ABCB1: variants seen among roughly 807,000 people sequenced by gnomAD.
ABCB1 encodes the protein ATP binding cassette subfamily B member 1, also known as ATP-dependent translocase ABCB1.
A neutral mutation model predicts 142.0 loss-of-function variants in ABCB1; 69 were observed. The ratio of observed to expected loss-of-function variants is 0.49; its 90% CI spans 0.40 to 0.59. ABCB1 has a LOEUF of 0.59. Ranked by LOEUF, ABCB1 falls within the 20% of genes least tolerant of loss-of-function variation. The pLI is 0.00. For missense variants in ABCB1, 1,326 were observed against 1,554.7 expected (o/e 0.85, Z 2.47); for synonymous variants, 532 against 539.2 (o/e 0.99, Z 0.18).
At position 87,566,960 on chromosome 7, in the gene ABCB1, T is replaced by C; in HGVS notation, c.355A>G (p.Ser119Gly). The change falls in exon 6 of 28, where the codon AGT (serine) becomes GGT (glycine). Residue 119 changes from serine to glycine, a missense_variant. Physicochemically the swap from Ser to Gly is moderately conservative, Grantham distance 56 (BLOSUM62 0). Coordinates refer to ENST00000622132, the MANE Select transcript of ABCB1 (RefSeq NM_001348946.2). Reference protein sequence around the residue: ...EDMTRYAYYYSGIGAGVLVAA... With the variant: ...EDMTRYAYYYGGIGAGVLVAA... ...ACCAGCACCCCAGCACCAATTCCAC[T>C]GTAATAATAGGCATACCTGAAAAAC... The C allele has an allele frequency of 6.2e-7, 1 of 1,614,116 alleles. No homozygotes were observed.
intron 8 of ABCB1, among the ~76,000 whole-genome samples, chr7:87,554,467 T>C (rs17149772): frequency 0.015 from 2,316 of 152,298 alleles, 67 homozygotes; most frequent in African/African-American, 0.052. Context: ...TGTGAGAGCA[T>C]TTTGAGAGTT....
intron 4 of ABCB1, among the ~76,000 whole-genome samples, chr7:87,581,878 G>A (rs371048508): frequency 6.6e-6 from 1 of 152,126 alleles, no homozygotes; most frequent in East Asian, 1.9e-4. Context: ...TTCTGCCTAG[G>A]GAAGGGCAAA....
chr7:87,521,099 G>T (rs959156689), intron 21 of ABCB1: 4 of 529,862 alleles, frequency 7.5e-6, no homozygotes, highest in Non-Finnish European at 1.3e-5. Context: ...AGAAATAGAA[G>T]CTAAGACTTA....
intron 1 of ABCB1, among the ~76,000 whole-genome samples, chr7:87,624,656 G>A (rs1026622667): frequency 6.6e-6 from 1 of 152,100 alleles, no homozygotes; most frequent in African/African-American, 2.4e-5. Flanking sequence ...ATTGAAATAG[G>A]TGCCAAAAGA....
At chr7:87,554,351 G>A (rs996035371) in intron 8 of ABCB1, among the ~76,000 whole-genome samples, 9 of 133,640 alleles carry the variant, frequency 6.7e-5, no homozygotes, top group South Asian at 2.3e-4. Context: ...AAAAAAAAAA[G>A]GGACAGTCAT....
chr7:87,676,957 A>G (rs537580275), intron 1 of ABCB1, among the ~76,000 whole-genome samples: 84 of 152,262 alleles, frequency 5.5e-4, no homozygotes, highest in Middle Eastern at 3.4e-3. Flanking sequence ...TGGCCAGTAT[A>G]AAAAACAATC....
At chr7:87,638,888 C>G (rs1258175814) in intron 1 of ABCB1, among the ~76,000 whole-genome samples, 1 of 152,146 alleles carries the variant, frequency 6.6e-6, no homozygotes, top group East Asian at 1.9e-4. Context: ...CATGGTGGCT[C>G]ACACCTGTAA....
chr7:87,688,796 T>TACAGAAGC, intron 1 of ABCB1, among the ~76,000 whole-genome samples: 1 of 152,008 alleles, frequency 6.6e-6, no homozygotes, highest in Non-Finnish European at 1.5e-5. Flanking sequence ...TGAGTCATAT[T>TACAGAAGC]ATTGTAGCAT....
intron 21 of ABCB1, among the ~76,000 whole-genome samples, chr7:87,528,532 C>T (rs565100631): frequency 6.6e-6 from 1 of 152,198 alleles, no homozygotes; most frequent in South Asian, 2.1e-4. Flanking sequence ...TGGACCCACT[C>T]AGTTCAAACC....
At chr7:87,570,705 T>C (rs950071698) in intron 4 of ABCB1, among the ~76,000 whole-genome samples, 3 of 152,218 alleles carry the variant, frequency 2.0e-5, no homozygotes, top group Non-Finnish European at 1.5e-5. Context: ...TAGCAAATGC[T>C]AACATTTTTG....
At chr7:87,551,103 C>A (rs1056753573) in intron 9 of ABCB1, among the ~76,000 whole-genome samples, 5 of 152,134 alleles carry the variant, frequency 3.3e-5, no homozygotes, top group African/African-American at 1.2e-4. Context: ...CTCGTCATAA[C>A]CTCTACCTCC....
At chr7:87,664,301 C>T (rs548399480) in intron 1 of ABCB1, among the ~76,000 whole-genome samples, 1 of 152,144 alleles carries the variant, frequency 6.6e-6, no homozygotes, top group East Asian at 1.9e-4. Flanking sequence ...ATAGCAGCTG[C>T]ACTCAAGCCT....
chr7:87,530,624 A>T (rs1815994139), intron 21 of ABCB1, among the ~76,000 whole-genome samples: 1 of 152,058 alleles, frequency 6.6e-6, no homozygotes, highest in Non-Finnish European at 1.5e-5. Context: ...CAGAAATAGG[A>T]TGAAGGGAGG....
intron 1 of ABCB1, among the ~76,000 whole-genome samples, chr7:87,619,169 C>T (rs755726835): frequency 1.3e-5 from 2 of 152,170 alleles, no homozygotes; most frequent in Non-Finnish European, 2.9e-5. Context: ...TAAACATTGG[C>T]TTCCAAATTT....
intron 1 of ABCB1, among the ~76,000 whole-genome samples, chr7:87,702,557 G>A (rs1035468422): frequency 2.6e-5 from 4 of 152,102 alleles, no homozygotes; most frequent in African/African-American, 9.7e-5. Context: ...TGGATTACAG[G>A]CGTTGAGTCA....
In ABCB1 at chr7:87,503,136, C is replaced by T; in HGVS notation, c.*1107G>A. On this transcript the variant is annotated 3_prime_UTR_variant, in exon 28 of 28. Transcript: ENST00000622132. Reference sequence around the variant, plus strand: ...TATACATTTTTCTCATGCATTTCTTCTTTGAGAATTACCTGATTATATCCT... The same window carrying T: ...TATACATTTTTCTCATGCATTTCTTTTTTGAGAATTACCTGATTATATCCT... Among the ~76,000 whole-genome samples the T allele has an allele frequency of 6.6e-6, 1 of 151,704 alleles. No individual in the cohort carries two copies. The highest frequency in any genetic ancestry group is 1.5e-5 in the Non-Finnish European group (1 of 67,874).
At chr7:87,538,254 C>T (rs771506063) in intron 19 of ABCB1, among the ~76,000 whole-genome samples, 3 of 152,226 alleles carry the variant, frequency 2.0e-5, no homozygotes, top group Non-Finnish European at 4.4e-5. Flanking sequence ...CAGTGTAGAC[C>T]TAAGTGGAAT....
At chr7:87,595,713 G>A (rs1819173173) in intron 3 of ABCB1, 53 bp downstream of exon 3, 2 of 1,333,282 alleles carry the variant, frequency 1.5e-6, no homozygotes, top group Non-Finnish European at 2.2e-6. Context: ...TTCCATGTAA[G>A]GAGATGTCAA....
At chr7:87,618,944 T>C (rs1820124808) in intron 1 of ABCB1, among the ~76,000 whole-genome samples, 1 of 152,086 alleles carries the variant, frequency 6.6e-6, no homozygotes, top group African/African-American at 2.4e-5. Context: ...ACCAACAACT[T>C]GAATGAGCTT....
Sources: gnomAD v4.1 joint callset for allele counts (sites outside exome capture counted in the v4.1 genomes callset) on GRCh38, gnomAD v4.1.1 for gene constraint, MANE v1.5 for transcripts, NCBI Gene and HGNC (gene_info 2026-07-23, HGNC 2026-07-21) for gene names.